Variants in KMT2C observed in about 807,000 individuals in gnomAD.
The protein encoded by KMT2C is histone-lysine N-methyltransferase 2C.
In KMT2C, 88 loss-of-function variants were observed where a neutral mutation model predicts 507.9. The ratio of observed to expected loss-of-function variants is 0.17; its 90% CI spans 0.15 to 0.21. KMT2C has a LOEUF of 0.21. Among genes scored for constraint, KMT2C ranks in the 10% least tolerant of loss-of-function variants. The pLI, the probability that KMT2C is intolerant of heterozygous loss-of-function variation, is 1.00. For synonymous variants in KMT2C, 2,049 were observed against 2,080.8 expected, an observed-to-expected ratio of 0.98 and a Z score of 0.42; for missense variants, 4,954 against 5,957.8, an observed-to-expected ratio of 0.83 and a Z score of 5.55.
At chr7:152,277,696 A>T (rs1015960698) in intron 6 of KMT2C, among the ~76,000 whole-genome samples, 11 of 152,208 alleles carry the variant, frequency 7.2e-5, no homozygotes, top group Non-Finnish European at 1.6e-4. Flanking sequence ...CATAAAAAAG[A>T]AAACAGATCA....
intron 1 of KMT2C, among the ~76,000 whole-genome samples, chr7:152,358,982 CCT>C (rs2097174132): frequency 6.6e-6 from 1 of 152,130 alleles, no homozygotes; most frequent in South Asian, 2.1e-4. Context: ...CTGAAGTCTC[CCT>C]CTGTCTACAG....
At chr7:152,388,583 A>C (rs1480219448) in intron 1 of KMT2C, among the ~76,000 whole-genome samples, 5 of 152,304 alleles carry the variant, frequency 3.3e-5, no homozygotes, top group Non-Finnish European at 7.3e-5. Flanking sequence ...CGAAAAAAGT[A>C]TCTAATCAGG....
chr7:152,350,421 C>T (rs1419552604), intron 2 of KMT2C, among the ~76,000 whole-genome samples: 1 of 152,160 alleles, frequency 6.6e-6, no homozygotes, highest in Admixed American at 6.5e-5. Flanking sequence ...AATTTTGTCA[C>T]TGTTACACAA....
chr7:152,361,705 A>G (rs1299370849), intron 1 of KMT2C, among the ~76,000 whole-genome samples: 1 of 152,212 alleles, frequency 6.6e-6, no homozygotes, highest in Admixed American at 6.5e-5. Context: ...AGAAAATAAC[A>G]TAAAAAGATA....
At chr7:152,185,375 A>G (rs1297472950) in intron 34 of KMT2C, among the ~76,000 whole-genome samples, 183 bp downstream of exon 34, 1 of 152,232 alleles carries the variant, frequency 6.6e-6, no homozygotes, top group Non-Finnish European at 1.5e-5. Context: ...TTGCTTATAA[A>G]AATGTCACAC....
chr7:152,276,265 G>A (rs75527257), intron 6 of KMT2C, among the ~76,000 whole-genome samples: 10 of 150,246 alleles, frequency 6.7e-5, no homozygotes, highest in African/African-American at 2.2e-4. Flanking sequence ...CCTAAACCAA[G>A]TAAAAAGTAC....
Position 152,162,604 on chromosome 7 carries a change from T to C in KMT2C, c.10973A>G (p.Gln3658Arg), listed in dbSNP as rs1563199692. 8 of 1,614,212 alleles carry C rather than the reference T, an allele frequency of 5.0e-6. No homozygotes were observed. The highest frequency in any genetic ancestry group is 6.8e-6 in the Non-Finnish European group (8 of 1,180,024). Residue 3658 changes from glutamine (Q) to arginine (R), a missense_variant, in exon 43 of 59, where the codon CAA becomes CGA. Around this residue, in one of 29 missense-constraint regions of KMT2C, gnomAD observed 801 missense variants for 751.2 expected, o/e 1.07. Coordinates refer to ENST00000262189, the MANE Select transcript of KMT2C (RefSeq NM_170606.3). Reference protein sequence around the residue: ...TPSELPQQADQESVEPVGPST... With the variant: ...TPSELPQQADRESVEPVGPST... ...TGGGCCGACTGGTTCCACCGACTCTTGGTCGGCTTGTTGAGGAAGCTCACT... is the reference window on the plus strand; with the variant it reads ...TGGGCCGACTGGTTCCACCGACTCTCGGTCGGCTTGTTGAGGAAGCTCACT...
intron 1 of KMT2C, among the ~76,000 whole-genome samples, chr7:152,404,399 C>T (rs1218872075): frequency 3.8e-4 from 55 of 144,762 alleles, no homozygotes; most frequent in African/African-American, 1.1e-3. Context: ...CTTTGGGAGG[C>T]CGAGGTGGGC....
At chr7:152,223,878 A>G (rs1275850662) in intron 20 of KMT2C, 137 bp downstream of exon 20, 1 of 624,754 alleles carries the variant, frequency 1.6e-6, no homozygotes, top group East Asian at 2.9e-5. Context: ...GTAAGTTTCT[A>G]GGTGACTAAA....
Position 152,162,435 on chromosome 7 carries a change from T to C in KMT2C, c.11142A>G (p.Lys3714=). The change falls in exon 43 of 59, where the codon AAA becomes AAG. Residue 3714 remains lysine, a synonymous_variant. Transcript: ENST00000262189. ...VDKLSMETPA[K]TEEIKLEKAE... ...CCTTTTCCAGTTTTATCTCTTCTGTTTTGGCAGGGGTTTCCATGGAGAGCT... is the reference window on the plus strand; with the variant it reads ...CCTTTTCCAGTTTTATCTCTTCTGTCTTGGCAGGGGTTTCCATGGAGAGCT... The C allele has an allele frequency of 6.2e-7, 1 of 1,614,280 alleles. No homozygotes were observed.
chr7:152,291,164 G>A (rs2096420047), intron 6 of KMT2C, among the ~76,000 whole-genome samples: 1 of 152,156 alleles, frequency 6.6e-6, no homozygotes, highest in East Asian at 1.9e-4. Context: ...TGACTTAATA[G>A]TTGAGGGCAT....
intron 42 of KMT2C, among the ~76,000 whole-genome samples, chr7:152,166,015 C>T (rs1349910054): frequency 6.6e-6 from 1 of 151,882 alleles, no homozygotes; most frequent in Non-Finnish European, 1.5e-5. Flanking sequence ...ATAACCTTTA[C>T]AATGAATCAG....
At chr7:152,362,485 G>T (rs2097205083) in intron 1 of KMT2C, among the ~76,000 whole-genome samples, 1 of 152,120 alleles carries the variant, frequency 6.6e-6, no homozygotes, top group Non-Finnish European at 1.5e-5. Flanking sequence ...ATCCCAACAT[G>T]GCTGCTTCAA....
intron 2 of KMT2C, among the ~76,000 whole-genome samples, chr7:152,352,463 T>A (rs967100913): frequency 6.6e-6 from 1 of 152,052 alleles, no homozygotes; most frequent in South Asian, 2.1e-4. Context: ...ATATACTCCC[T>A]CCCCTTTGAA....
At chr7:152,189,245 T>G (rs1241308457) in intron 31 of KMT2C, among the ~76,000 whole-genome samples, 5 of 152,202 alleles carry the variant, frequency 3.3e-5, no homozygotes, top group Non-Finnish European at 4.4e-5. Flanking sequence ...CTGTCCATAT[T>G]GGAGCAGTTT....
intron 37 of KMT2C, among the ~76,000 whole-genome samples, chr7:152,178,274 A>G (rs2093298975): frequency 6.6e-6 from 1 of 152,200 alleles, no homozygotes; most frequent in Non-Finnish European, 1.5e-5. Flanking sequence ...AAATGAAGAC[A>G]AAGGAAGAAC....
In KMT2C at chr7:152,354,445, C is replaced by G. The variant is rs151132069; in HGVS notation, c.250+4142G>C. Among the ~76,000 whole-genome samples, 371 of 152,292 alleles carry G rather than the reference C, an allele frequency of 2.4e-3. 11 individuals carry two copies. The East Asian group carries it at 0.065, about 27-fold the overall frequency. On this transcript the variant is annotated intron_variant, in intron 2 of 58. Transcript: ENST00000262189. ...TAAATAAGGTAACAAGACAAATCCC[C>G]TGACTTCATAAAGCTTACATTCTAG...
Position 152,358,606 on chromosome 7 carries a change from T to A in KMT2C, c.231A>T (p.Thr77=). Residue 77 remains threonine (T), a synonymous_variant, in exon 2 of 59, where the codon ACA becomes ACT. Coordinates refer to ENST00000262189, the MANE Select transcript of KMT2C (RefSeq NM_170606.3). ...DSMDGLETTE[T]ETIVETEIKE... Reference sequence around the variant, plus strand: ...TGATACCTGTTTCCACAATCGTTTCTGTTTCTGTTGTCTCCAGCCCATCCA... The same window carrying A: ...TGATACCTGTTTCCACAATCGTTTCAGTTTCTGTTGTCTCCAGCCCATCCA... 2 of 1,610,442 alleles carry A rather than the reference T, an allele frequency of 1.2e-6. No individual in the cohort carries two copies. The highest frequency in any genetic ancestry group is 1.7e-6 in the Non-Finnish European group (2 of 1,177,220).
chr7:152,324,291 A>G (rs553105246), intron 3 of KMT2C, among the ~76,000 whole-genome samples: 49 of 151,202 alleles, frequency 3.2e-4, no homozygotes, highest in African/African-American at 1.2e-3. Context: ...AATGGCAAAA[A>G]CCGCAATCAC....
Sources: allele counts gnomAD v4.1 joint callset (sites outside exome capture counted in the v4.1 genomes callset), GRCh38; gene constraint gnomAD v4.1.1; regional missense constraint gnomAD v4.1.1; transcripts MANE v1.5; gene names NCBI Gene and HGNC (gene_info 2026-07-23, HGNC 2026-07-21).